The following ITGAV variants were observed in gnomAD, a reference collection of about 807,000 sequenced individuals.
ITGAV encodes the protein integrin alpha-V.
In ITGAV, 76 loss-of-function variants were observed where a neutral mutation model predicts 143.8. The ratio of observed to expected loss-of-function variants is 0.53; its 90% confidence interval spans 0.44 to 0.64. ITGAV has a LOEUF of 0.64. Among genes scored for constraint, ITGAV ranks in the 30% least tolerant of loss-of-function variants. The pLI, the probability that ITGAV is intolerant of heterozygous loss-of-function variation, is 0.00. For missense variants in ITGAV, 1,193 were observed against 1,274.7 expected, an observed-to-expected ratio of 0.94 and a Z score of 0.98; for synonymous variants, 453 against 446.7, an observed-to-expected ratio of 1.01 and a Z score of -0.18.
In ITGAV at chr2:186,625,678, T is replaced by TGTGTGTGTGTGTGTGAGA. The variant is rs5836988; in HGVS notation, c.523+92_523+93insTGTGTGTGTGTGTGAGAG. 54 of 453,190 alleles carry TGTGTGTGTGTGTGTGAGA rather than the reference T, an allele frequency of 1.2e-4. 1 individual carries two copies. The highest frequency in any genetic ancestry group is 1.0e-3 in the African/African-American group (50 of 49,012). The allele number at this position is 453,190 out of a possible 1,614,324, so 28.1% of individuals were successfully genotyped here. On this transcript the variant is annotated intron_variant, in intron 4 of 29. Coordinates refer to ENST00000261023, the MANE Select transcript of ITGAV (RefSeq NM_002210.5). ...GTGTGTGTGGGTGTGTGTGTGTGTG[T>TGTGTGTGTGTGTGTGAGA]GAGAGAGAGAGATATTAAAAGATAT... is the stretch of plus-strand genomic sequence containing the variant.
intron 2 of ITGAV, among the ~76,000 whole-genome samples, chr2:186,602,575 T>C (rs111576679): frequency 3.3e-5 from 5 of 152,166 alleles, no homozygotes; most frequent in Non-Finnish European, 5.9e-5. Context: ...CCTTAGGCTG[T>C]GCTATAAAAA....
intron 4 of ITGAV, among the ~76,000 whole-genome samples, chr2:186,626,417 C>T (rs370015636): frequency 6.6e-5 from 10 of 152,186 alleles, no homozygotes; most frequent in African/African-American, 2.2e-4. Context: ...AAATAGGTTA[C>T]TGAAATGCAG....
Position 186,640,980 on chromosome 2 carries a change from A to C in ITGAV, c.956+13A>C. 2 of 1,579,716 alleles carry C rather than the reference A, an allele frequency of 1.3e-6. No individual in the cohort carries two copies. Among genetic ancestry groups the C allele is most frequent in the Non-Finnish European group, 1.7e-6 (2 of 1,157,096 alleles). On this transcript the variant is annotated intron_variant, in intron 11 of 29. Coordinates refer to ENST00000261023, the MANE Select transcript of ITGAV (RefSeq NM_002210.5). The stretch of plus-strand genomic sequence containing the variant: ...TTAATGGAGATGAGTAAGTTTAAAA[A>C]AAAATGTTTCCAGAAAGTTATCTTC...
chr2:186,645,988 A>G (rs766529814), intron 12 of ITGAV, among the ~76,000 whole-genome samples: 1 of 152,092 alleles, frequency 6.6e-6, no homozygotes, highest in Non-Finnish European at 1.5e-5. Context: ...ACAAAAATTA[A>G]AAAGAAAAGA....
At chr2:186,654,938 A>G (rs1011887024) in intron 16 of ITGAV, among the ~76,000 whole-genome samples, 3 of 152,230 alleles carry the variant, frequency 2.0e-5, no homozygotes, top group African/African-American at 7.2e-5. Context: ...AATAGCCCAC[A>G]GAATGGTAAA....
chr2:186,623,239 T>G (rs2105687220), intron 3 of ITGAV, among the ~76,000 whole-genome samples: 1 of 152,344 alleles, frequency 6.6e-6, no homozygotes, highest in East Asian at 1.9e-4. Context: ...TGAAATCCAC[T>G]AGCATTTATA....
At chr2:186,661,786 G>T (rs939190489) in intron 18 of ITGAV, among the ~76,000 whole-genome samples, 1 of 151,820 alleles carries the variant, frequency 6.6e-6, no homozygotes, top group Non-Finnish European at 1.5e-5. Flanking sequence ...CAGGAGAGAT[G>T]AGATTTCACC....
chr2:186,596,334 A>G (rs1225344525), intron 1 of ITGAV, among the ~76,000 whole-genome samples: 1 of 152,194 alleles, frequency 6.6e-6, no homozygotes, highest in African/African-American at 2.4e-5. Flanking sequence ...CTGGTCTGTC[A>G]GTTCTCTTAC....
intron 21 of ITGAV, 23 bp from the exon 22 acceptor site, chr2:186,666,681 C>T: frequency 7.1e-7 from 1 of 1,405,844 alleles, no homozygotes; most frequent in Non-Finnish European, 9.5e-7. Context: ...ACTAGCATTA[C>T]TATCTTTTCC....
At chr2:186,596,208 G>A (rs1246160454) in intron 1 of ITGAV, among the ~76,000 whole-genome samples, 2 of 152,076 alleles carry the variant, frequency 1.3e-5, no homozygotes, top group Non-Finnish European at 2.9e-5. Context: ...ATTGCCATTC[G>A]ATAGAAGGGA....
chr2:186,592,585 T>G (rs2105642201), intron 1 of ITGAV, among the ~76,000 whole-genome samples: 1 of 152,108 alleles, frequency 6.6e-6, no homozygotes, highest in African/African-American at 2.4e-5. Context: ...TTTTTTTTTT[T>G]TCCATGAAAA....
intron 1 of ITGAV, among the ~76,000 whole-genome samples, chr2:186,591,360 T>C (rs184771195): frequency 6.6e-6 from 1 of 152,216 alleles, no homozygotes; most frequent in Non-Finnish European, 1.5e-5. Context: ...CCGACTTTAC[T>C]GAATGCTGAC....
intron 13 of ITGAV, 130 bp downstream of exon 13, chr2:186,647,007 A>G: frequency 3.1e-6 from 2 of 650,988 alleles, no homozygotes; most frequent in Non-Finnish European, 4.9e-6. Context: ...AAACCTCTAA[A>G]ATATTCAAGG....
chr2:186,650,763 T>C (rs1688402295), intron 14 of ITGAV, among the ~76,000 whole-genome samples: 1 of 151,958 alleles, frequency 6.6e-6, no homozygotes, highest in South Asian at 2.1e-4. Flanking sequence ...TTATCTGGGC[T>C]GGTCTTGAGC....
intron 15 of ITGAV, 52 bp from the exon 16 acceptor site, chr2:186,654,598 A>G (rs55940484): frequency 1.1e-6 from 1 of 905,040 alleles, no homozygotes; most frequent in South Asian, 1.5e-5. Flanking sequence ...GATAATAAAA[A>G]TATGTCTAAA....
intron 17 of ITGAV, among the ~76,000 whole-genome samples, chr2:186,657,162 A>G (rs553074410): frequency 1.2e-4 from 19 of 152,202 alleles, no homozygotes; most frequent in Admixed American, 2.6e-4. Context: ...TGGGAGGCCA[A>G]AGCAGGAGGA....
chr2:186,634,135 T>C (rs1006712457), intron 6 of ITGAV, among the ~76,000 whole-genome samples: 2 of 152,214 alleles, frequency 1.3e-5, no homozygotes, highest in Non-Finnish European at 2.9e-5. Flanking sequence ...TCAGTCATTC[T>C]GGGAGGCCTA....
At chr2:186,590,902 T>TACC (rs2105640095) in intron 1 of ITGAV, among the ~76,000 whole-genome samples, 1 of 152,290 alleles carries the variant, frequency 6.6e-6, no homozygotes, top group Admixed American at 6.5e-5. Flanking sequence ...TTTTCTCCTC[T>TACC]ACCAGTTAGG....
intron 17 of ITGAV, among the ~76,000 whole-genome samples, chr2:186,658,488 A>T (rs1386581378): frequency 6.6e-6 from 1 of 152,198 alleles, no homozygotes; most frequent in Non-Finnish European, 1.5e-5. Flanking sequence ...AATCACAGCA[A>T]TTTCTGTAAT....
Sources: allele counts gnomAD v4.1 joint callset (sites outside exome capture counted in the v4.1 genomes callset), GRCh38; gene constraint gnomAD v4.1.1; transcripts MANE v1.5; gene names NCBI Gene and HGNC (gene_info 2026-07-23, HGNC 2026-07-21).